Variants in KCNJ4 observed in about 807,000 individuals in gnomAD.
KCNJ4 encodes the protein inward rectifier potassium channel 4.
Under a neutral mutation model 25.6 loss-of-function variants are expected in KCNJ4, and 3 were observed. The observed-to-expected ratio is 0.12, with a 90% CI of 0.05 to 0.30. The LOEUF (loss-of-function observed/expected upper bound fraction) is 0.30, where lower values mean the gene tolerates loss of function less well. KCNJ4 is among the 10% of genes least tolerant of loss of function. KCNJ4 has a pLI of 1.00. For missense variants in KCNJ4, 286 were observed against 666.8 expected (o/e 0.43, Z 6.29); for synonymous variants, 257 against 283.9 (o/e 0.91, Z 0.95).
At chr22:38,437,155 G>A (rs1234938299) in intron 1 of KCNJ4, among the ~76,000 whole-genome samples, 3 of 152,166 alleles carry the variant, frequency 2.0e-5, no homozygotes, top group Non-Finnish European at 2.9e-5. Context: ...GCACCCCACC[G>A]GGCCCTCCCA....
rs192448059 is a variant in KCNJ4 at position 38,452,889 on chromosome 22, C to G, written c.-40+2091G>C. On this transcript the variant is annotated intron_variant, in intron 1 of 1. Transcript: ENST00000303592. ...GCCAGGCCTACCCGCCACCCCCACC[C>G]CACACTGCTCCAGCTCTGTTTCCCA... is the stretch of plus-strand genomic sequence containing the variant. Among the ~76,000 whole-genome samples, 746 of 151,988 alleles carry G rather than the reference C, an allele frequency of 4.9e-3. 5 individuals carry two copies. Among genetic ancestry groups the G allele is most frequent in the Middle Eastern group, 0.034 (10 of 294 alleles).
intron 1 of KCNJ4, among the ~76,000 whole-genome samples, chr22:38,444,451 A>G (rs2089359280): frequency 1.3e-5 from 2 of 152,200 alleles, no homozygotes; most frequent in Admixed American, 1.3e-4. Context: ...AATGGCCATG[A>G]GCAGAGGGGA....
rs2269608 is a variant in KCNJ4 at position 38,426,516 on chromosome 22, C to T, written c.*279G>A. ...CAAGGTTCTGAGAGCAAAGAGGGCA[C>T]GTCCTTGAAGAGTCAGTGGGGGAAG... On this transcript the variant is annotated 3_prime_UTR_variant, in exon 2 of 2. Coordinates refer to ENST00000303592, the MANE Select transcript of KCNJ4 (RefSeq NM_152868.3). 80,974 of 340,236 alleles carry T rather than the reference C, an allele frequency of 0.24. 11,697 individuals are homozygous for T. The highest frequency in any genetic ancestry group is 0.3 in the South Asian group (4,144 of 13,700). 21.1% of individuals were successfully genotyped at this position (340,236 alleles called of 1,614,324 possible).
In KCNJ4 at chr22:38,455,106, G is replaced by A. The variant is rs1005408559; in HGVS notation, c.-166C>T. The A allele has an allele frequency of 6.7e-6, 1 of 149,630 alleles. No homozygotes were observed. The highest frequency in any genetic ancestry group is 2.4e-5 in the African/African-American group (1 of 41,018). 9.3% of individuals were successfully genotyped at this position (149,630 alleles called of 1,614,324 possible). On this transcript the variant is annotated 5_prime_UTR_variant, in exon 1 of 2. Coordinates refer to ENST00000303592, the MANE Select transcript of KCNJ4 (RefSeq NM_152868.3). ...CCCGGCGCCCCCTGCCCGCGAACTC[G>A]GCCGGCCGGCCCGCGCTCCCCTCCC...
intron 1 of KCNJ4, among the ~76,000 whole-genome samples, chr22:38,437,906 C>G (rs956696810): frequency 2.0e-5 from 3 of 152,056 alleles, no homozygotes; most frequent in African/African-American, 7.2e-5. Flanking sequence ...AGTTCCAGAC[C>G]AGCCTGGCCA....
chr22:38,427,185 G>A lies in KCNJ4; in HGVS notation c.948C>T (p.His316=), dbSNP rs1290432130. The change falls in exon 2 of 2, where the codon CAC becomes CAT. Residue 316 remains histidine, a synonymous_variant. Coordinates refer to ENST00000303592, the MANE Select transcript of KCNJ4 (RefSeq NM_152868.3). ...CCTCGAAGACCACAGGCTCAAAGCG[G>A]TGGCCCCACAGGATCTCGCTGGCCA... ...SYLASEILWG[H]RFEPVVFEEK... 2 of 1,613,366 alleles carry A rather than the reference G, an allele frequency of 1.2e-6. No individual in the cohort carries two copies. Among genetic ancestry groups the A allele is most frequent in the Non-Finnish European group, 1.7e-6 (2 of 1,180,026 alleles).
rs1252399539 is a variant in KCNJ4, at chr22:38,427,458, C to T, written c.675G>A (p.Lys225=). 8.1e-6 allele frequency: 13 copies of T among 1,612,950 alleles called. No homozygotes were observed. The highest frequency in any genetic ancestry group is 1.1e-5 in the Non-Finnish European group (13 of 1,179,280). Residue 225 remains lysine (K), a synonymous_variant, in exon 2 of 2, where the codon AAG becomes AAA. Transcript: ENST00000303592. ...VEAHVRAQLI[K]PYMTQEGEYL... ...ACTCGCCCTCCTGGGTCATGTAGGG[C>T]TTGATGAGCTGGGCCCGCACGTGGG...
At chr22:38,430,853 G>A (rs558699721) in intron 1 of KCNJ4, among the ~76,000 whole-genome samples, 55 of 152,288 alleles carry the variant, frequency 3.6e-4, no homozygotes, top group Non-Finnish European at 6.9e-4. Context: ...ATTTTATATC[G>A]GAGACCAAGG....
At chr22:38,444,919 T>C (rs1327796785) in intron 1 of KCNJ4, among the ~76,000 whole-genome samples, 1 of 152,192 alleles carries the variant, frequency 6.6e-6, no homozygotes, top group African/African-American at 2.4e-5. Flanking sequence ...CAGATGTGTC[T>C]CAACACAGCG....
intron 1 of KCNJ4, among the ~76,000 whole-genome samples, chr22:38,440,927 C>T (rs748125158): frequency 7.9e-5 from 12 of 152,132 alleles, no homozygotes; most frequent in Non-Finnish European, 8.8e-5. Flanking sequence ...CGTCAGATCC[C>T]GAGCCTCCAG....
chr22:38,439,356 C>T (rs764323836), intron 1 of KCNJ4, among the ~76,000 whole-genome samples: 1 of 151,986 alleles, frequency 6.6e-6, no homozygotes, highest in Non-Finnish European at 1.5e-5. Context: ...CACTTAAACC[C>T]GGGAGGCGGA....
intron 1 of KCNJ4, among the ~76,000 whole-genome samples, chr22:38,442,544 C>CAA (rs10631730): frequency 0.018 from 1,667 of 93,920 alleles, 106 homozygotes; most frequent in African/African-American, 0.059. Flanking sequence ...AAGACTCCAT[C>CAA]AAAAAAAAAA....
chr22:38,432,635 C>T (rs1483650699), intron 1 of KCNJ4, among the ~76,000 whole-genome samples: 1 of 152,098 alleles, frequency 6.6e-6, no homozygotes, highest in Admixed American at 6.6e-5. Context: ...TTTCCAAAAC[C>T]CCCAGTGCAG....
chr22:38,445,860 T>C (rs893897365), intron 1 of KCNJ4, among the ~76,000 whole-genome samples: 4 of 152,118 alleles, frequency 2.6e-5, no homozygotes, highest in Non-Finnish European at 4.4e-5. Context: ...ATCCGGCGTG[T>C]GTCTTGAAGC....
chr22:38,454,771 CCAGACGGA>C (rs1286630677), intron 1 of KCNJ4, among the ~76,000 whole-genome samples: 2 of 152,090 alleles, frequency 1.3e-5, no homozygotes, highest in East Asian at 1.9e-4. Context: ...CGCGACGCTC[CCAGACGGA>C]CAGACGGACA....
At chr22:38,446,969 A>G (rs926128324) in intron 1 of KCNJ4, among the ~76,000 whole-genome samples, 3 of 151,576 alleles carry the variant, frequency 2.0e-5, no homozygotes, top group African/African-American at 7.3e-5. Context: ...AAAAAAAAAA[A>G]AGAAACAGAG....
At position 38,449,242 on chromosome 22, in the gene KCNJ4, C is replaced by T. The variant is rs951289569; in HGVS notation, c.-40+5738G>A. ...TCCCTTCAGGTGGCCAATGAGGGTC[C>T]TGGAGGGGCTGGCACTGGGTGCACA... On this transcript the variant is annotated intron_variant, in intron 1 of 1. Coordinates refer to ENST00000303592, the MANE Select transcript of KCNJ4 (RefSeq NM_152868.3). The surrounding 1 kb of genome is among the most constrained non-coding windows in gnomAD (Gnocchi z 5.2). 1.3e-5 allele frequency among the ~76,000 whole-genome samples: 2 copies of T among 152,146 alleles called. No individual in the cohort carries two copies. Among genetic ancestry groups the T allele is most frequent in the Non-Finnish European group, 2.9e-5 (2 of 68,010 alleles).
chr22:38,433,852 G>A (rs1277394925), intron 1 of KCNJ4, among the ~76,000 whole-genome samples: 1 of 152,196 alleles, frequency 6.6e-6, no homozygotes, highest in Non-Finnish European at 1.5e-5. Flanking sequence ...GGGTCCAGAG[G>A]AGGCAGGAAG....
intron 1 of KCNJ4, among the ~76,000 whole-genome samples, chr22:38,432,858 C>T (rs958292260): frequency 6.6e-6 from 1 of 152,062 alleles, no homozygotes; most frequent in Non-Finnish European, 1.5e-5. Flanking sequence ...GTAATCCCAG[C>T]TTCTCGGGAG....
Sources: gnomAD v4.1 joint callset for allele counts (sites outside exome capture counted in the v4.1 genomes callset) on GRCh38, gnomAD v4.1.1 for gene constraint, Gnocchi (gnomAD v3.1) non-coding constraint, MANE v1.5 for transcripts, NCBI Gene and HGNC (gene_info 2026-07-23, HGNC 2026-07-21) for gene names.